The following AGMO variants were observed in gnomAD, a reference collection of about 807,000 sequenced individuals.
The protein encoded by AGMO is glyceryl-ether monooxygenase.
A neutral mutation model predicts 60.2 loss-of-function variants in AGMO; 75 were observed. That is an observed-to-expected ratio of 1.25 (90% CI 1.03 to 1.51). The LOEUF is 1.51. AGMO is among the 40% of genes most tolerant of loss of function. The pLI is 0.00. For missense variants in AGMO, 763 were observed against 525.5 expected, an observed-to-expected ratio of 1.45 and a Z score of -4.42; for synonymous variants, 261 against 177.1, an observed-to-expected ratio of 1.47 and a Z score of -3.76.
At chr7:15,365,687 T>A in intron 11 of AGMO, 68 bp from the exon 12 acceptor site, 1 of 1,034,828 alleles carries the variant, frequency 9.7e-7, no homozygotes, top group East Asian at 2.5e-5. Flanking sequence ...ATGTTATAAT[T>A]AATATAAACT....
At chr7:15,189,149 T>C in the AGMO span, among the ~76,000 whole-genome samples, 3 of 152,018 alleles carry the variant, frequency 2.0e-5, no homozygotes, top group African/African-American at 7.2e-5. Flanking sequence ...AAGAGGGGCA[T>C]TGGGGAAAAT....
At chr7:15,510,588 A>C (rs1474158487) in intron 3 of AGMO, among the ~76,000 whole-genome samples, 1 of 149,872 alleles carries the variant, frequency 6.7e-6, no homozygotes, top group Admixed American at 6.7e-5. Flanking sequence ...TGACATATAT[A>C]ACATAGAAAA....
At chr7:15,232,801 G>GCACACGCA (rs1554398738) in intron 12 of AGMO, among the ~76,000 whole-genome samples, 6 of 147,126 alleles carry the variant, frequency 4.1e-5, no homozygotes, top group Admixed American at 1.4e-4. Flanking sequence ...ACACACACAC[G>GCACACGCA]CACACACACA....
chr7:15,545,397 C>A (rs1784751264), intron 2 of AGMO, among the ~76,000 whole-genome samples: 2 of 151,994 alleles, frequency 1.3e-5, no homozygotes, highest in Non-Finnish European at 2.9e-5. Flanking sequence ...ATTTTGATCC[C>A]ATAAAATTTG....
chr7:15,187,907 G>A, the AGMO span, among the ~76,000 whole-genome samples: 16 of 151,850 alleles, frequency 1.1e-4, no homozygotes, highest in East Asian at 5.8e-4. Context: ...ACTCCCCCCC[G>A]ACTGCCCATG....
chr7:15,164,039 TA>T, the AGMO span, among the ~76,000 whole-genome samples: 1 of 151,986 alleles, frequency 6.6e-6, no homozygotes, highest in Non-Finnish European at 1.5e-5. Context: ...GGTACTTGTA[TA>T]AAAATAGACA....
intron 5 of AGMO, among the ~76,000 whole-genome samples, chr7:15,402,287 C>T (rs1784569614): frequency 1.3e-5 from 2 of 151,868 alleles, no homozygotes. Context: ...CCTCCTCCTC[C>T]TCTTTTATTT....
chr7:15,286,812 T>C (rs1046735252), intron 12 of AGMO, among the ~76,000 whole-genome samples: 2 of 152,096 alleles, frequency 1.3e-5, no homozygotes, highest in Non-Finnish European at 1.5e-5. Flanking sequence ...TGCAAAGATA[T>C]GGAACCAATC....
chr7:15,194,009 T>G, the AGMO span, among the ~76,000 whole-genome samples: 16 of 152,266 alleles, frequency 1.1e-4, no homozygotes, highest in African/African-American at 3.8e-4. Context: ...TTTCAAGAAA[T>G]TTTTCTGCTA....
At chr7:15,331,525 C>T (rs189211157) in intron 12 of AGMO, among the ~76,000 whole-genome samples, 1 of 152,284 alleles carries the variant, frequency 6.6e-6, no homozygotes, top group East Asian at 1.9e-4. Flanking sequence ...TGAAAACAGG[C>T]TGTGTTCCTG....
chr7:15,342,098 C>A (rs1478237000), intron 12 of AGMO, among the ~76,000 whole-genome samples: 2 of 136,514 alleles, frequency 1.5e-5, no homozygotes, highest in Non-Finnish European at 3.0e-5. Flanking sequence ...TCATAGGATG[C>A]ATTTAGAAAG....
the AGMO span, among the ~76,000 whole-genome samples, chr7:15,174,766 T>C: frequency 1.5e-5 from 1 of 65,036 alleles, no homozygotes; most frequent in Non-Finnish European, 4.8e-5. Context: ...AAAGACTAGC[T>C]AATACATTCC....
intron 3 of AGMO, among the ~76,000 whole-genome samples, chr7:15,465,096 G>T (rs987944670): frequency 6.6e-6 from 1 of 151,992 alleles, no homozygotes; most frequent in Non-Finnish European, 1.5e-5. Context: ...GAGGACCTCA[G>T]AAAAAGCTAA....
intron 12 of AGMO, among the ~76,000 whole-genome samples, chr7:15,305,286 T>C (rs1179234286): frequency 6.6e-6 from 1 of 151,496 alleles, no homozygotes; most frequent in Non-Finnish European, 1.5e-5. Context: ...GTGAAAAATA[T>C]TGCCTAAAAT....
chr7:15,459,585 G>A (rs1782083907), intron 3 of AGMO, among the ~76,000 whole-genome samples: 1 of 139,414 alleles, frequency 7.2e-6, no homozygotes, highest in Admixed American at 7.4e-5. Context: ...ATCTTTAAAT[G>A]TGTGTATGTG....
chr7:15,313,034 A>G (rs1437485482), intron 12 of AGMO, among the ~76,000 whole-genome samples: 1 of 152,184 alleles, frequency 6.6e-6, no homozygotes, highest in Non-Finnish European at 1.5e-5. Context: ...CAGAGATAAT[A>G]AAGAATGCAG....
At chr7:15,137,109 C>T in the AGMO span, among the ~76,000 whole-genome samples, 6 of 152,156 alleles carry the variant, frequency 3.9e-5, no homozygotes, top group African/African-American at 1.4e-4. Flanking sequence ...GTTATAGAAG[C>T]CTAGGTTCAA....
chr7:15,499,326 C>A (rs1783317267), intron 3 of AGMO, among the ~76,000 whole-genome samples: 1 of 151,792 alleles, frequency 6.6e-6, no homozygotes, highest in African/African-American at 2.4e-5. Flanking sequence ...CTGAGTAGAA[C>A]CAAACAAAAC....
chr7:15,518,679 C>T (rs1299225775), intron 3 of AGMO, among the ~76,000 whole-genome samples: 3 of 152,020 alleles, frequency 2.0e-5, no homozygotes, highest in Non-Finnish European at 2.9e-5. Context: ...TCACCAACAT[C>T]GAAGACCAAA....
Sources: gnomAD v4.1 joint callset for allele counts (sites outside exome capture counted in the v4.1 genomes callset) on GRCh38, gnomAD v4.1.1 for gene constraint, MANE v1.5 for transcripts, NCBI Gene and HGNC (gene_info 2026-07-23, HGNC 2026-07-21) for gene names.